Variants in THSD7A observed in about 807,000 individuals in gnomAD.
THSD7A encodes thrombospondin type 1 domain containing 7A.
THSD7A carries 96 observed loss-of-function variants against 231.3 expected under a neutral mutation model. The observed-to-expected ratio is 0.41, with a 90% confidence interval of 0.35 to 0.49. THSD7A has a LOEUF of 0.49. THSD7A is among the 20% of genes least tolerant of loss of function. The pLI, the probability that THSD7A is intolerant of heterozygous loss-of-function variation, is 0.05. For synonymous variants in THSD7A, 940 were observed against 743.3 expected (o/e 1.26, Z -4.30); for missense variants, 2,290 against 2,070.2 (o/e 1.11, Z -2.06).
intron 1 of THSD7A, among the ~76,000 whole-genome samples, chr7:11,650,982 G>A (rs1338128805): frequency 1.3e-5 from 2 of 151,960 alleles, no homozygotes; most frequent in African/African-American, 2.4e-5. Flanking sequence ...AATGTGCTAG[G>A]TGCTGTGATA....
At chr7:11,685,116 A>G (rs1584208862) in intron 1 of THSD7A, among the ~76,000 whole-genome samples, 2 of 152,104 alleles carry the variant, frequency 1.3e-5, no homozygotes, top group East Asian at 3.9e-4. Context: ...AAAAGTAAAT[A>G]ATGGGGAAAG....
At chr7:11,818,950 C>T (rs780432157) in intron 1 of THSD7A, among the ~76,000 whole-genome samples, 1 of 152,064 alleles carries the variant, frequency 6.6e-6, no homozygotes, top group Non-Finnish European at 1.5e-5. Context: ...ATATGTGCAG[C>T]ACACTCTGGA....
intron 1 of THSD7A, among the ~76,000 whole-genome samples, chr7:11,769,153 A>ATTTTTTTTTTTTT (rs1227041855): frequency 1.4e-4 from 4 of 27,650 alleles, no homozygotes; most frequent in Non-Finnish European, 2.1e-4. Context: ...ATATATATAT[A>ATTTTTTTTTTTTT]TTTTTTTTTT....
rs200565598 is a variant in THSD7A at position 11,429,141 on chromosome 7, T to A, written c.3065-16A>T. ...TCAATGTAACCTGAGTAGAGGAAAA[T>A]GAGACAAGAATCATCTCCTCCACCT... is the stretch of plus-strand genomic sequence containing the variant. On this transcript the variant is annotated splice_polypyrimidine_tract_variant and intron_variant, in intron 13 of 27. Coordinates refer to ENST00000423059, the MANE Select transcript of THSD7A (RefSeq NM_015204.3). 4.5e-5 allele frequency: 69 copies of A among 1,545,206 alleles called. No homozygotes were observed. Among genetic ancestry groups the A allele is most frequent in the Non-Finnish European group, 3.5e-6 (4 of 1,149,994 alleles).
chr7:11,541,949 G>GAA (rs1315597933), intron 5 of THSD7A, among the ~76,000 whole-genome samples: 3 of 152,028 alleles, frequency 2.0e-5, no homozygotes, highest in Admixed American at 6.6e-5. Flanking sequence ...GGAACAGAGA[G>GAA]AGAGATAAAT....
chr7:11,732,009 A>G (rs1309605185), intron 1 of THSD7A, among the ~76,000 whole-genome samples: 1 of 151,744 alleles, frequency 6.6e-6, no homozygotes, highest in Non-Finnish European at 1.5e-5. Context: ...AAATTAATAA[A>G]TGAATATTCA....
At chr7:11,424,569 C>T in intron 16 of THSD7A, 127 bp downstream of exon 16, 1 of 1,356,746 alleles carries the variant, frequency 7.4e-7, no homozygotes, top group Non-Finnish European at 1.0e-6. Flanking sequence ...GCACAGATTC[C>T]CTAAAAGCAA....
chr7:11,461,008 C>A (rs527286223), intron 10 of THSD7A, among the ~76,000 whole-genome samples: 1 of 152,292 alleles, frequency 6.6e-6, no homozygotes, highest in Non-Finnish European at 1.5e-5. Context: ...TAGGACTCTA[C>A]AGAGAACATT....
chr7:11,469,912 CA>C lies in THSD7A; in HGVS notation c.2334del (p.Ser778ArgfsTer68). ...CACGAAGAGGGGCATGATGTCCAGT[CA>C]CTATATGGGGTCACAATACAGTCCT... Reference protein sequence around the residue: ...CKKDCIVTPYSDWTSCPSSCK... With the variant: ...CKKDCIVTPYXDWTSCPSSCK... On this transcript the variant is annotated frameshift_variant, in exon 9 of 28. Coordinates refer to ENST00000423059, the MANE Select transcript of THSD7A (RefSeq NM_015204.3). LOFTEE classifies it high-confidence loss of function. The C allele has an allele frequency of 6.2e-7, 1 of 1,602,056 alleles. No individual in the cohort carries two copies. Among genetic ancestry groups the C allele is most frequent in the Non-Finnish European group, 8.5e-7 (1 of 1,173,620 alleles).
chr7:11,676,341 A>G (rs927729200), intron 1 of THSD7A, among the ~76,000 whole-genome samples: 1 of 152,196 alleles, frequency 6.6e-6, no homozygotes, highest in Non-Finnish European at 1.5e-5. Context: ...AAATGCCAAC[A>G]ACAAGAATGC....
intron 1 of THSD7A, among the ~76,000 whole-genome samples, chr7:11,651,642 G>A (rs1482625205): frequency 6.6e-6 from 1 of 151,864 alleles, no homozygotes; most frequent in African/African-American, 2.4e-5. Flanking sequence ...TTAATGCCAA[G>A]TTCAAAGCCT....
intron 23 of THSD7A, among the ~76,000 whole-genome samples, chr7:11,395,037 G>C (rs1251519253): frequency 6.6e-6 from 1 of 151,926 alleles, no homozygotes; most frequent in African/African-American, 2.4e-5. Flanking sequence ...TGAATAACAA[G>C]TCAAGACCCA....
At chr7:11,648,878 C>T (rs371068701) in intron 1 of THSD7A, among the ~76,000 whole-genome samples, 1 of 151,876 alleles carries the variant, frequency 6.6e-6, no homozygotes, top group African/African-American at 2.4e-5. Flanking sequence ...CTTGCTTCAA[C>T]CAATAAATAG....
chr7:11,660,069 T>C (rs1416086673), intron 1 of THSD7A, among the ~76,000 whole-genome samples: 1 of 151,582 alleles, frequency 6.6e-6, no homozygotes, highest in African/African-American at 2.4e-5. Flanking sequence ...ATAAAAAAGA[T>C]ATTTATGTCA....
chr7:11,662,842 G>A (rs1221069306), intron 1 of THSD7A, among the ~76,000 whole-genome samples: 1 of 151,218 alleles, frequency 6.6e-6, no homozygotes, highest in African/African-American at 2.4e-5. Context: ...AGTCACAACT[G>A]ATATAAAAAT....
intron 1 of THSD7A, among the ~76,000 whole-genome samples, chr7:11,673,641 C>T (rs1783498653): frequency 6.6e-6 from 1 of 152,174 alleles, no homozygotes; most frequent in African/African-American, 2.4e-5. Context: ...GCCTCCACTG[C>T]CCCACACAGA....
chr7:11,809,353 C>A (rs542412303), intron 1 of THSD7A, among the ~76,000 whole-genome samples: 3 of 152,244 alleles, frequency 2.0e-5, no homozygotes, highest in African/African-American at 4.8e-5. Context: ...TGAACTGATT[C>A]TTGACAGGAG....
chr7:11,552,063 G>A (rs1297851971), intron 4 of THSD7A, among the ~76,000 whole-genome samples: 1 of 151,984 alleles, frequency 6.6e-6, no homozygotes, highest in Non-Finnish European at 1.5e-5. Flanking sequence ...AATTACTGCA[G>A]GAACAGAAAA....
At chr7:11,720,449 T>C (rs1348986627) in intron 1 of THSD7A, among the ~76,000 whole-genome samples, 1 of 151,744 alleles carries the variant, frequency 6.6e-6, no homozygotes, top group African/African-American at 2.4e-5. Context: ...CATTCCCCCA[T>C]GCTTAATCTC....
Sources: allele counts gnomAD v4.1 joint callset (sites outside exome capture counted in the v4.1 genomes callset), GRCh38; gene constraint gnomAD v4.1.1; transcripts MANE v1.5; gene names NCBI Gene and HGNC (gene_info 2026-07-23, HGNC 2026-07-21).